The following ADCY7 variants were observed in gnomAD, a reference collection of about 807,000 sequenced individuals.
ADCY7 encodes the protein adenylate cyclase 7.
A neutral mutation model predicts 120.6 loss-of-function variants in ADCY7; 72 were observed. The observed-to-expected ratio is 0.60, with a 90% CI of 0.49 to 0.73. The LOEUF (loss-of-function observed/expected upper bound fraction) is 0.73. Among genes scored for constraint, ADCY7 ranks in the 30% least tolerant of loss-of-function variants. The pLI is 0.00. For synonymous variants in ADCY7, 661 were observed against 628.0 expected (o/e 1.05, Z -0.78); for missense variants, 1,227 against 1,486.0 (o/e 0.83, Z 2.87).
chr16:50,282,741 C>CTG, intron 1 of ADCY7, among the ~76,000 whole-genome samples: 1 of 104,212 alleles, frequency 9.6e-6, no homozygotes, highest in Non-Finnish European at 2.0e-5. Flanking sequence ...ACAGGATTCT[C>CTG]TATCACCCAG....
At chr16:50,284,245 G>A (rs1382928978) in intron 1 of ADCY7, among the ~76,000 whole-genome samples, 1 of 152,192 alleles carries the variant, frequency 6.6e-6, no homozygotes, top group Non-Finnish European at 1.5e-5. Flanking sequence ...TGCCCGGCTT[G>A]TTCCAGGAGC....
chr16:50,315,611 G>A lies in ADCY7; in HGVS notation c.*106G>A. 1 of 1,409,382 alleles carries A rather than the reference G, an allele frequency of 7.1e-7. No homozygotes were observed. The highest frequency in any genetic ancestry group is 9.7e-7 in the Non-Finnish European group (1 of 1,034,292). 87.3% of individuals were successfully genotyped at this position (1,409,382 alleles called of 1,614,324 possible). On this transcript the variant is annotated 3_prime_UTR_variant, in exon 26 of 26. Transcript: ENST00000673801. ...CGCCAATCCCAAAGGCATGCAGATG[G>A]CTGTGCATGTTGGCTTCTTTGGACC...
At chr16:50,302,599 A>C (rs1351194317) in intron 10 of ADCY7, among the ~76,000 whole-genome samples, 2 of 109,556 alleles carry the variant, frequency 1.8e-5, no homozygotes, top group African/African-American at 7.5e-5. Context: ...GTTTAACTTC[A>C]TTTATCCACG....
rs2035011232 is a variant in ADCY7 at position 50,291,990 on chromosome 16, G to A, written c.537+93G>A. The A allele has an allele frequency of 1.5e-5, 21 of 1,384,002 alleles. No individual in the cohort carries two copies. In the South Asian group the frequency reaches 2.0e-4, roughly 13 times the overall value. 85.7% of individuals were successfully genotyped at this position (1,384,002 alleles called of 1,614,324 possible). On this transcript the variant is annotated intron_variant, in intron 4 of 25. Transcript: ENST00000673801. ...CCCTCTGGGTGAATCAGACCCGAAGGCCCCGGAGCCGTGTTTGCAGACAGC... is the reference window on the plus strand; with the variant it reads ...CCCTCTGGGTGAATCAGACCCGAAGACCCCGGAGCCGTGTTTGCAGACAGC...
rs750571359 is a variant in ADCY7 at position 50,300,793 on chromosome 16, C to A, written c.1155C>A (p.Ile385=). 52 of 1,554,730 alleles carry A rather than the reference C, an allele frequency of 3.3e-5. No homozygotes were observed. Among genetic ancestry groups the A allele is most frequent in the Non-Finnish European group, 4.4e-5 (51 of 1,148,734 alleles). ...IHSGNVLCGV[I]GLRKWQYDVW... ...CGGGGAATGTGCTGTGCGGGGTCAT[C>A]GGGCTGCGCAAGTGGCAGTATGACG... The change falls in exon 9 of 26, where the codon ATC becomes ATA. Residue 385 remains isoleucine (I), a synonymous_variant. Transcript: ENST00000673801.
At position 50,297,713 on chromosome 16, in the gene ADCY7, C is replaced by T. The variant is rs1229050168; in HGVS notation, c.949-1191C>T. ...ATGGCTGATGGGCACAGAGTAGGGA[C>T]GAGGACAGGATAGGCTCGAGTCCTG... is the stretch of plus-strand genomic sequence containing the variant. On this transcript the variant is annotated intron_variant, in intron 7 of 25. Transcript: ENST00000673801. The surrounding 1 kb of genome is among the most constrained non-coding windows in gnomAD (Gnocchi z 4.4). Among the ~76,000 whole-genome samples, 4 of 152,142 alleles carry T rather than the reference C, an allele frequency of 2.6e-5. No homozygotes were observed. The East Asian group carries it at 7.7e-4, about 29-fold the overall frequency.
At chr16:50,294,573 C>A in intron 6 of ADCY7, 67 bp from the exon 7 acceptor site, 1 of 1,065,356 alleles carries the variant, frequency 9.4e-7, no homozygotes, top group East Asian at 2.5e-5. Flanking sequence ...GACAGTCCTG[C>A]GTGCTCCTGC....
At position 50,257,629 on chromosome 16, in the gene ADCY7, AT is replaced by A. The variant is rs2032952239; in HGVS notation, c.-64+11428del. Among the ~76,000 whole-genome samples the A allele has an allele frequency of 2.6e-5, 4 of 152,138 alleles. No homozygotes were observed. In the South Asian group the frequency reaches 8.3e-4, roughly 31 times the overall value. ...AAAAAACAAACATTTTACCACACATATTGCTAAACATTAGCAGTAATTCTTT... is the reference window on the plus strand; with the variant it reads ...AAAAAACAAACATTTTACCACACATATGCTAAACATTAGCAGTAATTCTTT... On this transcript the variant is annotated intron_variant, in intron 1 of 4. Coordinates refer to the ADCY7 transcript ENST00000564044.
intron 1 of ADCY7, among the ~76,000 whole-genome samples, chr16:50,281,946 C>T (rs756070215): frequency 1.2e-4 from 19 of 152,184 alleles, no homozygotes; most frequent in Admixed American, 3.3e-4. Context: ...AGCCGAGAGC[C>T]GGCAGGACCG....
rs1195404312 is a variant in ADCY7, at chr16:50,317,297, C to T, written c.*1792C>T. ...AGCCTCGCTTAAGTTGCCTTTTTTA[C>T]ACACCAAAACTTTTTACATGAAGGG... is the stretch of plus-strand genomic sequence containing the variant. On this transcript the variant is annotated 3_prime_UTR_variant, in exon 26 of 26. Transcript: ENST00000673801. The T allele has an allele frequency of 6.6e-6, 1 of 152,518 alleles. No individual in the cohort carries two copies. Among genetic ancestry groups the T allele is most frequent in the Non-Finnish European group, 1.5e-5 (1 of 68,042 alleles). The allele number at this position is 152,518 out of a possible 1,614,324, so 9.4% of individuals were successfully genotyped here.
In ADCY7 at chr16:50,288,258, C is replaced by A; in HGVS notation, c.79C>A (p.Leu27Ile). The A allele has an allele frequency of 6.4e-7, 1 of 1,551,294 alleles. No homozygotes were observed. Among genetic ancestry groups the A allele is most frequent in the Non-Finnish European group, 8.7e-7 (1 of 1,146,986 alleles). ...DQDALYEKYQLTSQHGPLLLT... is the reference protein window; with the variant it reads ...DQDALYEKYQITSQHGPLLLT... ...AGATGCGCTCTACGAGAAGTACCAG[C>A]TCACCAGCCAGCATGGGCCGCTGCT... Residue 27 changes from leucine (L) to isoleucine (I), a missense_variant, in exon 2 of 26, where the codon CTC becomes ATC. Transcript: ENST00000673801.
chr16:50,281,859 T>G (rs2034287507), intron 1 of ADCY7, among the ~76,000 whole-genome samples: 1 of 152,098 alleles, frequency 6.6e-6, no homozygotes. Context: ...GAGCTCAGGG[T>G]CTCTTGAGAG....
intron 1 of ADCY7, among the ~76,000 whole-genome samples, chr16:50,271,858 C>T (rs1019336279): frequency 6.6e-6 from 1 of 152,138 alleles, no homozygotes; most frequent in African/African-American, 2.4e-5. Flanking sequence ...TTCACTCAGC[C>T]GCCTCCCCCA....
rs138289555 is a variant in ADCY7, at chr16:50,266,566, C to T, written c.-383C>T. On this transcript the variant is annotated 5_prime_UTR_variant, in exon 1 of 26. Coordinates refer to ENST00000673801, the MANE Select transcript of ADCY7 (RefSeq NM_001114.5). ...GATGTGACTCACTCTCATTAGGTAG[C>T]GTGGAAGGAGCCTTCGGATGGGTGA... 214 of 155,256 alleles carry T rather than the reference C, an allele frequency of 1.4e-3. No individual in the cohort carries two copies. Among genetic ancestry groups the T allele is most frequent in the Non-Finnish European group, 2.4e-3 (167 of 69,174 alleles). The allele number at this position is 155,256 out of a possible 1,614,324, so 9.6% of individuals were successfully genotyped here.
chr16:50,294,174 T>C (rs935700098), intron 6 of ADCY7, among the ~76,000 whole-genome samples: 1 of 152,170 alleles, frequency 6.6e-6, no homozygotes, highest in African/African-American at 2.4e-5. Context: ...TCCTGGAGCC[T>C]CAGTTTGTGC....
At chr16:50,314,589 T>C (rs1296589806) in intron 24 of ADCY7, 183 bp downstream of exon 24, 10 of 560,150 alleles carry the variant, frequency 1.8e-5, no homozygotes, top group East Asian at 1.2e-4. Context: ...ATAGTTACCA[T>C]TGAGAGTTTT....
chr16:50,302,510 C>T (rs567882317), intron 10 of ADCY7, among the ~76,000 whole-genome samples: 39 of 152,302 alleles, frequency 2.6e-4, no homozygotes, highest in Non-Finnish European at 2.1e-4. Context: ...AAGTGTTGCA[C>T]GCAGTACTCA....
rs376775069 is a variant in ADCY7, at chr16:50,311,810, C to A, written c.2448+24C>A. ...AGGTAAGGAGGCTGGCCCCCCCCCC[C>A]CCCCCAAGCTCTGCCCACTTTTCCT... On this transcript the variant is annotated intron_variant, in intron 20 of 25. Transcript: ENST00000673801. 2.6e-4 allele frequency: 349 copies of A among 1,343,076 alleles called. 15 individuals are homozygous for A. Among genetic ancestry groups the A allele is most frequent in the African/African-American group, 1.5e-3 (105 of 68,706 alleles). The allele number at this position is 1,343,076 out of a possible 1,614,324, so 83.2% of individuals were successfully genotyped here. A position where few individuals can be genotyped will look rare whatever the true frequency, so the allele number is the denominator to read the frequency against.
chr16:50,308,960 T>A, intron 17 of ADCY7, 168 bp downstream of exon 17: 1 of 836,978 alleles, frequency 1.2e-6, no homozygotes, highest in Non-Finnish European at 1.7e-6. Flanking sequence ...CACCTTTGGG[T>A]TCTCAAATGC....
Sources: allele counts gnomAD v4.1 joint callset (sites outside exome capture counted in the v4.1 genomes callset), GRCh38; gene constraint gnomAD v4.1.1; non-coding constraint Gnocchi (gnomAD v3.1); transcripts MANE v1.5; gene names NCBI Gene and HGNC (gene_info 2026-07-23, HGNC 2026-07-21).